PPIP5K2: variants seen among roughly 807,000 people sequenced by gnomAD.
PPIP5K2 encodes inositol hexakisphosphate and diphosphoinositol-pentakisphosphate kinase 2.
Under a neutral mutation model 154.6 loss-of-function variants are expected in PPIP5K2, and 105 were observed. The observed-to-expected ratio is 0.68, with a 90% CI of 0.58 to 0.80. The LOEUF is 0.80. Ranked by LOEUF, PPIP5K2 falls within the 30% of genes least tolerant of loss-of-function variation. PPIP5K2 has a pLI of 0.00. For synonymous variants in PPIP5K2, 480 were observed against 490.3 expected, an observed-to-expected ratio of 0.98 and a Z score of 0.28; for missense variants, 992 against 1,504.6, an observed-to-expected ratio of 0.66 and a Z score of 5.64.
intron 26 of PPIP5K2, 83 bp downstream of exon 26, chr5:103,184,827 A>G: frequency 4.0e-6 from 4 of 995,748 alleles, no homozygotes; most frequent in South Asian, 1.5e-5. Flanking sequence ...TGGTGAAAGC[A>G]TGACCAAATG....
At chr5:103,187,130 C>T (rs1307655970) in intron 27 of PPIP5K2, among the ~76,000 whole-genome samples, 184 bp from the exon 28 acceptor site, 1 of 152,144 alleles carries the variant, frequency 6.6e-6, no homozygotes, top group Non-Finnish European at 1.5e-5. Flanking sequence ...TCATTTGACA[C>T]TTTTCCTCTG....
chr5:103,159,012 A>G (rs1795824917), intron 16 of PPIP5K2, 134 bp from the exon 17 acceptor site: 4 of 611,812 alleles, frequency 6.5e-6, no homozygotes, highest in African/African-American at 3.9e-5. Context: ...TAAAATGACA[A>G]TAATGAACTG....
intron 19 of PPIP5K2, among the ~76,000 whole-genome samples, chr5:103,172,007 ATG>A (rs1207374599): frequency 6.6e-6 from 1 of 151,578 alleles, no homozygotes; most frequent in African/African-American, 2.4e-5. Flanking sequence ...CTCTTTACAC[ATG>A]TCTTTCCATT....
In PPIP5K2 at chr5:103,153,924, A is replaced by C; in HGVS notation, c.1207A>C (p.Arg403=). ...TPKQKMKMEV[R]HQKFFDLFEK... ...AAAACAAAAAATGAAAATGGAAGTGAGACATCAGAAGTATGTTTTCAGATG... is the reference window on the plus strand; with the variant it reads ...AAAACAAAAAATGAAAATGGAAGTGCGACATCAGAAGTATGTTTTCAGATG... The change falls in exon 11 of 31, where the codon AGA becomes CGA. Residue 403 remains arginine, a synonymous_variant. Coordinates refer to ENST00000358359, the MANE Select transcript of PPIP5K2 (RefSeq NM_001276277.3). 6.3e-7 allele frequency: 1 copy of C among 1,599,550 alleles called. No homozygotes were observed. Among genetic ancestry groups the C allele is most frequent in the South Asian group, 1.1e-5 (1 of 89,744 alleles).
chr5:103,195,733 A>T (rs782060133), intron 30 of PPIP5K2, among the ~76,000 whole-genome samples: 1 of 152,098 alleles, frequency 6.6e-6, no homozygotes, highest in Non-Finnish European at 1.5e-5. Context: ...GATACTCATG[A>T]TATTCATTTT....
intron 17 of PPIP5K2, among the ~76,000 whole-genome samples, chr5:103,162,362 T>TG (rs1279758400): frequency 1.1e-4 from 16 of 150,780 alleles, no homozygotes; most frequent in East Asian, 1.9e-4. Flanking sequence ...TTTTTTTTTT[T>TG]TTGTTTTTTT....
chr5:103,137,703 G>C (rs1252233925), intron 4 of PPIP5K2, among the ~76,000 whole-genome samples: 1 of 151,934 alleles, frequency 6.6e-6, no homozygotes, highest in African/African-American at 2.4e-5. Context: ...AAAATGCTTT[G>C]TAAATATGAG....
At chr5:103,189,285 A>T in intron 28 of PPIP5K2, 1 of 1,315,104 alleles carries the variant, frequency 7.6e-7, no homozygotes, top group East Asian at 2.5e-5. Flanking sequence ...TGCTGCGCTA[A>T]CCCTTTCATT....
chr5:103,184,493 A>G (rs1800046695), intron 25 of PPIP5K2, 179 bp from the exon 26 acceptor site: 2 of 514,738 alleles, frequency 3.9e-6, no homozygotes, highest in Non-Finnish European at 6.9e-6. Flanking sequence ...CAAGGACCTC[A>G]TGAAATGGAC....
chr5:103,125,201 G>A (rs376120731), intron 1 of PPIP5K2, among the ~76,000 whole-genome samples: 21 of 152,210 alleles, frequency 1.4e-4, no homozygotes, highest in South Asian at 6.2e-4. Context: ...AAAATTACCC[G>A]AACTCTACTC....
At chr5:103,198,952 A>AT (rs59180837) in intron 30 of PPIP5K2, among the ~76,000 whole-genome samples, 3,293 of 149,124 alleles carry the variant, frequency 0.022, 105 homozygotes, top group African/African-American at 0.073. Context: ...ATCTTTTTGC[A>AT]TTTTTTTTTG....
chr5:103,166,184 G>A (rs572860634), intron 17 of PPIP5K2, among the ~76,000 whole-genome samples: 14 of 152,144 alleles, frequency 9.2e-5, no homozygotes, highest in Middle Eastern at 3.4e-3. Context: ...TTTTTGGGAC[G>A]CTCAAGGCAT....
intron 17 of PPIP5K2, among the ~76,000 whole-genome samples, chr5:103,166,419 T>G (rs1423492954): frequency 6.6e-6 from 1 of 152,000 alleles, no homozygotes; most frequent in Non-Finnish European, 1.5e-5. Context: ...CTGATGTGGC[T>G]CCTTCTGACT....
At chr5:103,141,268 G>C (rs1418545997) in intron 5 of PPIP5K2, among the ~76,000 whole-genome samples, 2 of 151,976 alleles carry the variant, frequency 1.3e-5, no homozygotes, top group African/African-American at 4.8e-5. Context: ...TCTGGAGTCT[G>C]TCCCTTCCGA....
At chr5:103,146,721 T>C (rs782155598) in intron 6 of PPIP5K2, 40 bp downstream of exon 6, 51 of 1,513,808 alleles carry the variant, frequency 3.4e-5, no homozygotes, top group Non-Finnish European at 3.9e-5. Context: ...CTCTTCTTTG[T>C]ACATTGTCGT....
intron 27 of PPIP5K2, 88 bp from the exon 28 acceptor site, chr5:103,187,226 C>T: frequency 1.0e-6 from 1 of 956,528 alleles, no homozygotes; most frequent in Non-Finnish European, 1.6e-6. Context: ...TTTCTAACCT[C>T]CTCATATATT....
chr5:103,122,969 C>T (rs1412701798), intron 1 of PPIP5K2, among the ~76,000 whole-genome samples: 1 of 152,128 alleles, frequency 6.6e-6, no homozygotes, highest in Admixed American at 6.5e-5. Context: ...TCATGATAGT[C>T]TCAAGCAGTG....
At chr5:103,189,125 C>T in intron 28 of PPIP5K2, 1 of 1,424,656 alleles carries the variant, frequency 7.0e-7, no homozygotes, top group Non-Finnish European at 9.5e-7. Flanking sequence ...AAACAAGTAT[C>T]TTCTGACAGT....
rs1322959226 is a variant in PPIP5K2 at position 103,176,921 on chromosome 5, T to C, written c.2530-746T>C. On this transcript the variant is annotated intron_variant, in intron 21 of 30. Transcript: ENST00000358359. ...ATGGTGAAGGAGATGGTAAGATCAA[T>C]AGAATTTACATATGCCTCCTTCTTC... 14 of 1,447,852 alleles carry C rather than the reference T, an allele frequency of 9.7e-6. No individual in the cohort carries two copies. The East Asian group carries it at 1.0e-4, about 10-fold the overall frequency. The allele number at this position is 1,447,852 out of a possible 1,614,324, so 89.7% of individuals were successfully genotyped here. A position where few individuals can be genotyped will look rare whatever the true frequency, so the allele number is the denominator to read the frequency against.
Sources: allele counts gnomAD v4.1 joint callset (sites outside exome capture counted in the v4.1 genomes callset), GRCh38; gene constraint gnomAD v4.1.1; transcripts MANE v1.5; gene names NCBI Gene and HGNC (gene_info 2026-07-23, HGNC 2026-07-21).